Variants in PTPRK observed in about 807,000 individuals in gnomAD.
The protein encoded by PTPRK is protein tyrosine phosphatase receptor type K.
A neutral mutation model predicts 178.0 loss-of-function variants in PTPRK; 75 were observed. The observed-to-expected ratio is 0.42, with a 90% CI of 0.35 to 0.51. The LOEUF is 0.51. PTPRK is among the 20% of genes least tolerant of loss of function. PTPRK has a pLI of 0.02. For missense variants in PTPRK, 1,441 were observed against 1,797.8 expected (o/e 0.80, Z 3.59); for synonymous variants, 637 against 620.6 (o/e 1.03, Z -0.39).
At chr6:127,988,652 CATA>C (rs1776247869) in intron 21 of PTPRK, among the ~76,000 whole-genome samples, 1 of 151,974 alleles carries the variant, frequency 6.6e-6, no homozygotes, top group African/African-American at 2.4e-5. Context: ...TAAGTTTATA[CATA>C]ATATTTTCCA....
At chr6:128,520,193 A>G (rs1858828434) in intron 1 of PTPRK, 66 bp downstream of exon 1, 2 of 1,364,132 alleles carry the variant, frequency 1.5e-6, no homozygotes, top group South Asian at 2.6e-5. Context: ...CCTAGCGGGG[A>G]CCTGGCTCAC....
At chr6:128,425,079 C>CTTTT (rs1157646907) in intron 1 of PTPRK, among the ~76,000 whole-genome samples, 1 of 134,078 alleles carries the variant, frequency 7.5e-6, no homozygotes, top group Non-Finnish European at 1.6e-5. Flanking sequence ...AATGTGTAGT[C>CTTTT]TTTTTTTTTT....
At chr6:128,165,413 C>A (rs953339478) in intron 7 of PTPRK, among the ~76,000 whole-genome samples, 4 of 151,148 alleles carry the variant, frequency 2.6e-5, no homozygotes, top group African/African-American at 9.7e-5. Context: ...TTTCTTTTTG[C>A]ATGAGAGAGG....
intron 7 of PTPRK, among the ~76,000 whole-genome samples, chr6:128,149,279 G>A (rs1796930140): frequency 6.6e-6 from 1 of 151,530 alleles, no homozygotes; most frequent in African/African-American, 2.4e-5. Context: ...TTGTGCACAT[G>A]TACCCTAGAA....
At chr6:128,293,455 C>A (rs1251014120) in intron 3 of PTPRK, among the ~76,000 whole-genome samples, 1 of 151,986 alleles carries the variant, frequency 6.6e-6, no homozygotes, top group African/African-American at 2.4e-5. Flanking sequence ...AGGCAGGTGC[C>A]CTCATGACTT....
At chr6:128,357,995 C>G (rs771613579) in intron 2 of PTPRK, among the ~76,000 whole-genome samples, 1 of 152,118 alleles carries the variant, frequency 6.6e-6, no homozygotes, top group African/African-American at 2.4e-5. Flanking sequence ...TAGCATCTAC[C>G]CAGGATAGGC....
intron 3 of PTPRK, among the ~76,000 whole-genome samples, chr6:128,265,940 G>A (rs900458870): frequency 6.6e-6 from 1 of 152,102 alleles, no homozygotes; most frequent in Non-Finnish European, 1.5e-5. Flanking sequence ...TTATTCATGA[G>A]AGATCCTTGC....
chr6:128,507,971 G>A (rs1473158324), intron 1 of PTPRK, among the ~76,000 whole-genome samples: 4 of 152,064 alleles, frequency 2.6e-5, no homozygotes, highest in East Asian at 3.9e-4. Flanking sequence ...ATTCTTTTTC[G>A]GTAGGCTTTT....
chr6:128,416,230 C>G (rs200311394), intron 1 of PTPRK, among the ~76,000 whole-genome samples: 1 of 151,902 alleles, frequency 6.6e-6, no homozygotes, highest in Admixed American at 6.6e-5. Context: ...ATTTTTGCAA[C>G]AAGAATGACG....
chr6:128,235,518 G>A (rs938299566), intron 5 of PTPRK: 11 of 457,400 alleles, frequency 2.4e-5, no homozygotes, highest in South Asian at 8.2e-5. Context: ...ATCATTGAAC[G>A]TTCCTCAGGA....
At chr6:128,315,813 T>C (rs1444486169) in intron 3 of PTPRK, among the ~76,000 whole-genome samples, 3 of 152,178 alleles carry the variant, frequency 2.0e-5, no homozygotes, top group African/African-American at 7.2e-5. Context: ...AAATTTTAGA[T>C]AAAAAACGTA....
chr6:128,108,509 T>C (rs1236979079), intron 7 of PTPRK, among the ~76,000 whole-genome samples: 1 of 152,184 alleles, frequency 6.6e-6, no homozygotes, highest in Admixed American at 6.5e-5. Context: ...TGATAGGGGA[T>C]TGAATAATGT....
In PTPRK at chr6:128,103,281, T is replaced by C. The variant is rs145022249; in HGVS notation, c.1163-13289A>G. On this transcript the variant is annotated intron_variant, in intron 7 of 29. Coordinates refer to ENST00000368226, the MANE Select transcript of PTPRK (RefSeq NM_002844.4). ...CCCCATACATCCCGCTGAGAGCCAC[T>C]ACCACTCAATAAAACCCCCTCATTC... is the stretch of plus-strand genomic sequence containing the variant. Among the ~76,000 whole-genome samples, 784 of 152,170 alleles carry C rather than the reference T, an allele frequency of 5.2e-3. 32 individuals are homozygous for C. Among genetic ancestry groups the C allele is most frequent in the Admixed American group, 0.049 (753 of 15,272 alleles).
At position 128,184,513 on chromosome 6, in the gene PTPRK, T is replaced by G; in HGVS notation, c.1081A>C (p.Ile361Leu). 2.5e-6 allele frequency: 4 copies of G among 1,613,928 alleles called. No individual in the cohort carries two copies. The highest frequency in any genetic ancestry group is 3.4e-6 in the Non-Finnish European group (4 of 1,179,866). Residue 361 changes from isoleucine to leucine, a missense_variant, in exon 7 of 30, where the codon ATC (isoleucine) becomes CTC (leucine). Around this residue, in one of 4 missense-constraint regions of PTPRK, gnomAD observed 945 missense variants for 1,080.6 expected, o/e 0.87. Transcript: ENST00000368226. Reference protein sequence around the residue: ...WHLDPDTEYEIRVLLTRPGEG... With the variant: ...WHLDPDTEYELRVLLTRPGEG... ...CCAGGTCTTGTAAGTAGAACTCGGA[T>G]CTCATATTCGGTATCTGGATCTAAA... is the stretch of plus-strand genomic sequence containing the variant.
chr6:128,307,626 G>A lies in PTPRK; in HGVS notation c.495+14413C>T, dbSNP rs565854104. ...AAGGCTTCCCAATTGATAAGAAACA[G>A]ATAAACCAATAGATAACTGAGCAAA... On this transcript the variant is annotated intron_variant, in intron 3 of 29. Coordinates refer to ENST00000368226, the MANE Select transcript of PTPRK (RefSeq NM_002844.4). 8.6e-5 allele frequency among the ~76,000 whole-genome samples: 13 copies of A among 152,014 alleles called. No individual in the cohort carries two copies. In the South Asian group the frequency reaches 2.7e-3, roughly 31 times the overall value.
In PTPRK at chr6:128,516,944, A is replaced by G. The variant is rs146250356; in HGVS notation, c.100+3315T>C. ...ACTCAAGTAAGGATTTATACGAGGTAAGTTAAAAAAATTAAGGATAATCGA... is the reference window on the plus strand; with the variant it reads ...ACTCAAGTAAGGATTTATACGAGGTGAGTTAAAAAAATTAAGGATAATCGA... On this transcript the variant is annotated intron_variant, in intron 1 of 29. Transcript: ENST00000368226. Among the ~76,000 whole-genome samples the G allele has an allele frequency of 5.3e-5, 8 of 152,062 alleles. No individual in the cohort carries two copies. The East Asian group carries it at 1.5e-3, about 29-fold the overall frequency.
intron 2 of PTPRK, among the ~76,000 whole-genome samples, chr6:128,391,707 A>G (rs1434990595): frequency 6.6e-6 from 1 of 152,120 alleles, no homozygotes; most frequent in African/African-American, 2.4e-5. Flanking sequence ...CCAGAGAGAA[A>G]GAAAGCCTAA....
rs550373396 is a variant in PTPRK, at chr6:128,057,512, T to G, written c.2194+7246A>C. 3.9e-5 allele frequency among the ~76,000 whole-genome samples: 6 copies of G among 152,314 alleles called. No homozygotes were observed. The South Asian group carries it at 1.2e-3, about 32-fold the overall frequency. On this transcript the variant is annotated intron_variant, in intron 13 of 29. Transcript: ENST00000368226. ...AGGGGTCCATGTGACCAGTTCCCAC[T>G]AAAAACCTTAGGAACCGAGTCTCTA...
intron 1 of PTPRK, among the ~76,000 whole-genome samples, chr6:128,507,863 T>A (rs1295700204): frequency 3.3e-5 from 5 of 152,156 alleles, no homozygotes; most frequent in African/African-American, 1.2e-4. Context: ...ACAAATGTGC[T>A]CTCTCCTCTG....
Sources: allele counts gnomAD v4.1 joint callset (sites outside exome capture counted in the v4.1 genomes callset), GRCh38; gene constraint gnomAD v4.1.1; regional missense constraint gnomAD v4.1.1; transcripts MANE v1.5; gene names NCBI Gene and HGNC (gene_info 2026-07-23, HGNC 2026-07-21).